The following SEC14L5 variants were observed in gnomAD, a reference collection of about 807,000 sequenced individuals.
SEC14L5 encodes SEC14 like lipid binding 5, also known as SEC14-like protein 5.
In SEC14L5, 96 loss-of-function variants were observed where a neutral mutation model predicts 84.6. That is an observed-to-expected ratio of 1.13 (90% CI 0.96 to 1.34). The LOEUF (loss-of-function observed/expected upper bound fraction) is 1.34. SEC14L5 is among the 40% of genes most tolerant of loss of function. The pLI is 0.00. For missense variants in SEC14L5, 1,224 were observed against 942.5 expected (o/e 1.30, Z -3.91); for synonymous variants, 546 against 383.4 (o/e 1.42, Z -4.95).
chr16:4,982,408 C>T (rs767249106), intron 2 of SEC14L5, among the ~76,000 whole-genome samples: 1 of 152,198 alleles, frequency 6.6e-6, no homozygotes. Context: ...CCCCCACCAC[C>T]CTGACCCTGG....
At chr16:4,995,416 G>A (rs1425507561) in intron 6 of SEC14L5, among the ~76,000 whole-genome samples, 1 of 152,174 alleles carries the variant, frequency 6.6e-6, no homozygotes, top group African/African-American at 2.4e-5. Flanking sequence ...TTCCCAGGCT[G>A]CTAAAGAGAG....
intron 2 of SEC14L5, among the ~76,000 whole-genome samples, chr16:4,969,314 C>T (rs1215566947): frequency 2.0e-5 from 3 of 151,938 alleles, no homozygotes; most frequent in Admixed American, 2.0e-4. Flanking sequence ...GTGCCGAAGG[C>T]TGTGCGAGGT....
intron 2 of SEC14L5, among the ~76,000 whole-genome samples, chr16:4,971,106 A>T (rs1261070469): frequency 6.6e-6 from 1 of 151,818 alleles, no homozygotes; most frequent in Non-Finnish European, 1.5e-5. Flanking sequence ...AAAAAAAAAA[A>T]AAAGAACTAG....
chr16:4,987,620 C>G lies in SEC14L5; in HGVS notation c.127C>G (p.Arg43Gly). 2 of 1,558,022 alleles carry G rather than the reference C, an allele frequency of 1.3e-6. No individual in the cohort carries two copies. The highest frequency in any genetic ancestry group is 8.7e-7 in the Non-Finnish European group (1 of 1,152,072). The change falls in exon 3 of 16, where the codon CGC (arginine) becomes GGC (glycine). Residue 43 changes from arginine to glycine, a missense_variant. Arg to Gly is a moderately radical substitution (Grantham distance 125). Coordinates refer to ENST00000251170, the MANE Select transcript of SEC14L5 (RefSeq NM_014692.2). ...IPVFLGSEVL[R>G]ESRSPDGAVH... ...AGTCTTCCTGGGCAGCGAGGTCTTGCGCGAGTCCCGCAGCCCGGACGGGGC... is the reference window on the plus strand; with the variant it reads ...AGTCTTCCTGGGCAGCGAGGTCTTGGGCGAGTCCCGCAGCCCGGACGGGGC...
chr16:4,968,221 C>T (rs1005238118), intron 2 of SEC14L5, among the ~76,000 whole-genome samples: 3 of 150,736 alleles, frequency 2.0e-5, no homozygotes, highest in Non-Finnish European at 4.4e-5. Context: ...CTCTTGTTGC[C>T]CAGGCTGGAG....
intron 4 of SEC14L5, among the ~76,000 whole-genome samples, chr16:4,989,306 T>G (rs372729523): frequency 0.015 from 2,228 of 148,448 alleles, 40 homozygotes; most frequent in African/African-American, 0.048. Context: ...GTGTTTTTTT[T>G]TTTGTTTGTT....
intron 2 of SEC14L5, among the ~76,000 whole-genome samples, chr16:4,963,242 T>A (rs1955151329): frequency 6.6e-6 from 1 of 152,234 alleles, no homozygotes; most frequent in South Asian, 2.1e-4. Flanking sequence ...ATACTCTCAC[T>A]TAAAAAATTT....
At chr16:4,968,353 A>G (rs896896985) in intron 2 of SEC14L5, among the ~76,000 whole-genome samples, 2 of 151,900 alleles carry the variant, frequency 1.3e-5, no homozygotes, top group Non-Finnish European at 2.9e-5. Context: ...CTAATTTTGT[A>G]TTTTTAGCAC....
intron 2 of SEC14L5, among the ~76,000 whole-genome samples, chr16:4,978,418 A>T (rs1407772301): frequency 1.5e-5 from 1 of 66,188 alleles, no homozygotes; most frequent in African/African-American, 6.4e-5. Flanking sequence ...CTCCGTCTCA[A>T]AAAAAAAAGG....
chr16:5,007,446 C>T lies in SEC14L5; in HGVS notation c.1532C>T (p.Thr511Ile). Residue 511 changes from threonine to isoleucine, a missense_variant, in exon 13 of 16, where the codon ACC becomes ATC. Thr to Ile is a moderately conservative substitution (Grantham distance 89, BLOSUM62 -1). Transcript: ENST00000251170. ...GACCAGCTGTGGCAGTGGAGTGAGA[C>T]CTACCATTCAGCCAGCGTGCTCCGC... ...HTDQLWQWSE[T>I]YHSASVLRGA... The T allele has an allele frequency of 6.2e-7, 1 of 1,613,878 alleles. No individual in the cohort carries two copies. The highest frequency in any genetic ancestry group is 8.5e-7 in the Non-Finnish European group (1 of 1,179,842).
chr16:4,969,772 C>G (rs946949737), intron 2 of SEC14L5, among the ~76,000 whole-genome samples: 1 of 151,046 alleles, frequency 6.6e-6, no homozygotes, highest in African/African-American at 2.4e-5. Context: ...TTAAGGGAAG[C>G]TCCAGGAAGA....
intron 2 of SEC14L5, among the ~76,000 whole-genome samples, chr16:4,983,634 T>C (rs1231251803): frequency 6.6e-6 from 1 of 151,600 alleles, no homozygotes; most frequent in Non-Finnish European, 1.5e-5. Flanking sequence ...CCCAGCACTT[T>C]GGGAGGCCGA....
At position 5,011,094 on chromosome 16, in the gene SEC14L5, G is replaced by A. The variant is rs1955794778; in HGVS notation, c.1801-1G>A. The A allele has an allele frequency of 6.3e-7, 1 of 1,595,534 alleles. No homozygotes were observed. The highest frequency in any genetic ancestry group is 8.5e-7 in the Non-Finnish European group (1 of 1,171,512). ...CTCAGGGCAGGGCTGATGTGTTTCA[G>A]GGCTCCCATGTGACCCGGTGGCCCG... On this transcript the variant is annotated splice_acceptor_variant, in intron 14 of 15. Transcript: ENST00000251170. LOFTEE classifies it high-confidence loss of function.
chr16:5,014,961 C>G lies in SEC14L5; in HGVS notation c.2082C>G (p.Val694=). The G allele has an allele frequency of 6.2e-7, 1 of 1,609,828 alleles. No homozygotes were observed. Among genetic ancestry groups the G allele is most frequent in the Middle Eastern group, 1.7e-4 (1 of 6,060 alleles). Residue 694 remains valine, a synonymous_variant, in exon 16 of 16, where the codon GTC becomes GTG. Coordinates refer to ENST00000251170, the MANE Select transcript of SEC14L5 (RefSeq NM_014692.2). ...SSGQSHSSSL[V]SR ...GCCAGTCTCATAGCAGCTCCCTGGT[C>G]TCCAGATAGCCGGGCCCAGTGTTTC...
intron 2 of SEC14L5, among the ~76,000 whole-genome samples, chr16:4,973,322 G>C (rs542654091): frequency 6.6e-6 from 1 of 151,894 alleles, no homozygotes. Flanking sequence ...TGGCTTTGCT[G>C]GGATGAGCAG....
chr16:4,967,871 T>C (rs1291234862), intron 2 of SEC14L5, among the ~76,000 whole-genome samples: 2 of 151,178 alleles, frequency 1.3e-5, no homozygotes, highest in African/African-American at 4.9e-5. Flanking sequence ...CCTCCCAAAG[T>C]GCTGTGATTA....
intron 8 of SEC14L5, among the ~76,000 whole-genome samples, chr16:4,999,380 G>C (rs1014754825): frequency 6.6e-6 from 1 of 152,160 alleles, no homozygotes; most frequent in Non-Finnish European, 1.5e-5. Context: ...CAAAGCTGGA[G>C]GATCGCTTAA....
chr16:4,971,268 C>T lies in SEC14L5; in HGVS notation c.63+11882C>T, dbSNP rs187617081. Among the ~76,000 whole-genome samples the T allele has an allele frequency of 1.3e-4, 20 of 152,098 alleles. No homozygotes were observed. In the East Asian group the frequency reaches 2.3e-3, roughly 18 times the overall value. Reference sequence around the variant, plus strand: ...GCCTAGGAGTTTGAGAGACCAGCCTCGGCAACACAGTGAGACCTTGTCTCT... The same window carrying T: ...GCCTAGGAGTTTGAGAGACCAGCCTTGGCAACACAGTGAGACCTTGTCTCT... On this transcript the variant is annotated intron_variant, in intron 2 of 15. Transcript: ENST00000251170.
intron 10 of SEC14L5, 56 bp downstream of exon 10, chr16:5,000,981 G>C (rs1955670518): frequency 7.3e-6 from 10 of 1,363,492 alleles, no homozygotes; most frequent in Non-Finnish European, 1.0e-5. Context: ...GGAGGGTGGA[G>C]AGGGGTCCAC....
Sources: allele counts gnomAD v4.1 joint callset (sites outside exome capture counted in the v4.1 genomes callset), GRCh38; gene constraint gnomAD v4.1.1; transcripts MANE v1.5; gene names NCBI Gene and HGNC (gene_info 2026-07-23, HGNC 2026-07-21).